The following FCHO2 variants were observed in gnomAD, a reference collection of about 807,000 sequenced individuals.
FCHO2 encodes the protein F-BAR domain only protein 2.
A neutral mutation model predicts 114.1 loss-of-function variants in FCHO2; 43 were observed. The observed-to-expected ratio is 0.38, with a 90% confidence interval of 0.30 to 0.49. The LOEUF (loss-of-function observed/expected upper bound fraction) is 0.49, where lower values mean the gene tolerates loss of function less well. FCHO2 is among the 20% of genes least tolerant of loss of function. FCHO2 has a pLI of 0.97. For synonymous variants in FCHO2, 293 were observed against 315.2 expected (o/e 0.93, Z 0.75); for missense variants, 807 against 950.4 (o/e 0.85, Z 1.98).
chr5:72,957,527 A>G (rs758896771), intron 1 of FCHO2, among the ~76,000 whole-genome samples: 10 of 152,216 alleles, frequency 6.6e-5, no homozygotes, highest in Non-Finnish European at 1.5e-4. Context: ...ATGATGTAGC[A>G]TGTATCACTA....
At chr5:72,978,873 G>A (rs1753025817) in intron 2 of FCHO2, among the ~76,000 whole-genome samples, 1 of 152,076 alleles carries the variant, frequency 6.6e-6, no homozygotes, top group Non-Finnish European at 1.5e-5. Flanking sequence ...TAATCATGTG[G>A]TTTTTGTCAT....
chr5:72,996,807 G>A lies in FCHO2; in HGVS notation c.495+5943G>A, dbSNP rs560886385. The A allele has an allele frequency of 5.7e-6, 4 of 698,438 alleles. No individual in the cohort carries two copies. In the East Asian group the frequency reaches 8.2e-5, roughly 14 times the overall value. The allele number at this position is 698,438 out of a possible 1,614,324, so 43.3% of individuals were successfully genotyped here. On this transcript the variant is annotated intron_variant, in intron 5 of 25. Coordinates refer to ENST00000430046, the MANE Select transcript of FCHO2 (RefSeq NM_138782.3). ...CATACCCCTCTCTGCAGCCTCTCCT[G>A]CCACTTAGGGCTGCCGTTCCCCCTC...
intron 8 of FCHO2, chr5:73,034,329 C>T: frequency 8.5e-6 from 2 of 234,274 alleles, no homozygotes; most frequent in South Asian, 5.9e-5. Flanking sequence ...TGTTTCCTCT[C>T]ATTAACAGTA....
At chr5:73,050,429 C>T (rs1360595692) in intron 11 of FCHO2, among the ~76,000 whole-genome samples, 2 of 151,900 alleles carry the variant, frequency 1.3e-5, no homozygotes, top group African/African-American at 4.8e-5. Flanking sequence ...AGCAATTCTC[C>T]AGCCTCAGCC....
chr5:73,044,213 T>G (rs930408266), intron 11 of FCHO2, among the ~76,000 whole-genome samples: 3 of 152,170 alleles, frequency 2.0e-5, no homozygotes, highest in Non-Finnish European at 4.4e-5. Context: ...AAACTTCTTT[T>G]CTTTATAAAT....
rs78133014 is a variant in FCHO2 at position 73,007,770 on chromosome 5, A to G, written c.600+1221A>G. On this transcript the variant is annotated intron_variant, in intron 6 of 25. Transcript: ENST00000430046. ...AGTATAGAGGAGGGAGGCAGACATTAAATACATGCTTAAATATAAAGTTAT... is the reference window on the plus strand; with the variant it reads ...AGTATAGAGGAGGGAGGCAGACATTGAATACATGCTTAAATATAAAGTTAT... Among the ~76,000 whole-genome samples, 538 of 152,360 alleles carry G rather than the reference A, an allele frequency of 3.5e-3. 5 individuals are homozygous for G. Among genetic ancestry groups the G allele is most frequent in the African/African-American group, 0.013 (523 of 41,572 alleles).
chr5:72,965,828 G>C (rs1220265936), intron 1 of FCHO2, among the ~76,000 whole-genome samples: 2 of 152,118 alleles, frequency 1.3e-5, no homozygotes, highest in Non-Finnish European at 2.9e-5. Flanking sequence ...ATGTCCATAA[G>C]AGCTAAATTA....
intron 11 of FCHO2, among the ~76,000 whole-genome samples, chr5:73,049,078 G>A (rs561924342): frequency 1.1e-3 from 161 of 151,214 alleles, no homozygotes; most frequent in African/African-American, 3.8e-3. Context: ...GGGTTTCACC[G>A]TGTTAGCCAG....
chr5:73,051,415 T>C lies in FCHO2; in HGVS notation c.997+9T>C. On this transcript the variant is annotated intron_variant, in intron 12 of 25. Transcript: ENST00000430046. The stretch of plus-strand genomic sequence containing the variant: ...AGAAACAAATCAGAATGATATCCTT[T>C]CATCATCTAGTATTCTTAAGGATTA... The C allele has an allele frequency of 1.3e-6, 2 of 1,500,828 alleles. No individual in the cohort carries two copies. Among genetic ancestry groups the C allele is most frequent in the South Asian group, 2.5e-5 (2 of 81,480 alleles). 93.0% of individuals were successfully genotyped at this position (1,500,828 alleles called of 1,614,324 possible).
At chr5:72,993,785 A>T (rs1236224195) in intron 5 of FCHO2, among the ~76,000 whole-genome samples, 1 of 152,208 alleles carries the variant, frequency 6.6e-6, no homozygotes, top group African/African-American at 2.4e-5. Context: ...TCTTTTAGTG[A>T]TACCTTTTGG....
intron 18 of FCHO2, among the ~76,000 whole-genome samples, chr5:73,067,104 A>C (rs78298867): frequency 0.017 from 2,526 of 152,150 alleles, 73 homozygotes; most frequent in African/African-American, 0.053. Context: ...TGTATGTTGT[A>C]GCACATCTCA....
intron 13 of FCHO2, 24 bp downstream of exon 13, chr5:73,052,531 CTT>C: frequency 6.6e-7 from 1 of 1,526,200 alleles, no homozygotes. Context: ...CGTTTGTACT[CTT>C]TATATAAAAG....
intron 19 of FCHO2, among the ~76,000 whole-genome samples, chr5:73,074,402 A>T (rs1486034163): frequency 6.6e-6 from 1 of 152,120 alleles, no homozygotes; most frequent in African/African-American, 2.4e-5. Context: ...TGATTGATAG[A>T]ACCTGGAGGA....
intron 6 of FCHO2, among the ~76,000 whole-genome samples, chr5:73,010,001 A>C (rs189992381): frequency 6.6e-6 from 1 of 152,304 alleles, no homozygotes; most frequent in East Asian, 1.9e-4. Flanking sequence ...GTCATACTCT[A>C]CAGCTGCAGA....
chr5:73,033,300 CTA>C (rs1333811064), intron 8 of FCHO2, among the ~76,000 whole-genome samples: 2 of 152,068 alleles, frequency 1.3e-5, no homozygotes, highest in Non-Finnish European at 2.9e-5. Flanking sequence ...CAACTCACTT[CTA>C]TGACTGTTTT....
intron 8 of FCHO2, among the ~76,000 whole-genome samples, chr5:73,032,880 A>G (rs1554070560): frequency 3.3e-5 from 5 of 152,188 alleles, no homozygotes; most frequent in Non-Finnish European, 4.4e-5. Flanking sequence ...TATTTTCTCA[A>G]GCTTTATTAG....
chr5:73,087,644 G>A lies in FCHO2; in HGVS notation c.2301G>A (p.Thr767=), dbSNP rs147677243. ...TTTCAGAAGGACCTAGTAAACCCAC[G>A]ACACTTGCAGTACAATTCCTCAGCG... ...FDLSEGPSKP[T]TLAVQFLSEG... The change falls in exon 25 of 26, where the codon ACG becomes ACA. Residue 767 remains threonine (T), a synonymous_variant. Transcript: ENST00000430046. 8.6e-3 allele frequency: 13,806 copies of A among 1,613,838 alleles called. 104 individuals are homozygous for A. Among genetic ancestry groups the A allele is most frequent in the Middle Eastern group, 0.026 (155 of 6,060 alleles).
chr5:73,074,142 G>A (rs994151701), intron 19 of FCHO2, among the ~76,000 whole-genome samples: 1 of 149,866 alleles, frequency 6.7e-6, no homozygotes, highest in Non-Finnish European at 1.5e-5. Flanking sequence ...TCTCTGATTT[G>A]ACTCTAAAAG....
At chr5:73,058,015 A>T (rs1757678530) in intron 16 of FCHO2, among the ~76,000 whole-genome samples, 1 of 152,074 alleles carries the variant, frequency 6.6e-6, no homozygotes, top group Admixed American at 6.6e-5. Context: ...AATTAAAAAA[A>T]ATTATTTTTT....
Sources: allele counts gnomAD v4.1 joint callset (sites outside exome capture counted in the v4.1 genomes callset), GRCh38; gene constraint gnomAD v4.1.1; transcripts MANE v1.5; gene names NCBI Gene and HGNC (gene_info 2026-07-23, HGNC 2026-07-21).